STK33: variants seen among roughly 807,000 people sequenced by gnomAD.
STK33 encodes the protein serine/threonine-protein kinase 33.
STK33 carries 52 observed loss-of-function variants against 58.0 expected under a neutral mutation model. That is an observed-to-expected ratio of 0.90 (90% CI 0.72 to 1.13). The LOEUF (loss-of-function observed/expected upper bound fraction) is 1.13, where lower values mean the gene tolerates loss of function less well. STK33 is among the 50% of genes most tolerant of loss of function. The probability of loss-of-function intolerance (pLI) is 0.00; values close to 1 mark genes in which losing one functional copy is unlikely to be tolerated. For synonymous variants in STK33, 215 were observed against 200.1 expected, an observed-to-expected ratio of 1.07 and a Z score of -0.63; for missense variants, 630 against 604.2, an observed-to-expected ratio of 1.04 and a Z score of -0.45.
intron 1 of STK33, among the ~76,000 whole-genome samples, chr11:8,524,287 C>G (rs188124987): frequency 0.023 from 3,527 of 152,032 alleles, 143 homozygotes; most frequent in African/African-American, 0.079. Context: ...ATCCCCCTCT[C>G]CGAGAAACAC....
At chr11:8,378,214 G>T in the STK33 span, among the ~76,000 whole-genome samples, 2 of 152,238 alleles carry the variant, frequency 1.3e-5, no homozygotes, top group Non-Finnish European at 2.9e-5. Flanking sequence ...AGTTCAGAGC[G>T]AAGTGGGGGG....
chr11:8,401,294 G>A (rs1937887535), intron 15 of STK33, among the ~76,000 whole-genome samples: 1 of 152,110 alleles, frequency 6.6e-6, no homozygotes, highest in Non-Finnish European at 1.5e-5. Flanking sequence ...GAACAGAACA[G>A]AGCCCTCAGA....
intron 1 of STK33, among the ~76,000 whole-genome samples, chr11:8,590,356 A>G (rs1333512325): frequency 6.6e-6 from 1 of 152,222 alleles, no homozygotes; most frequent in Non-Finnish European, 1.5e-5. Context: ...GCATATGATC[A>G]GCACCCCATA....
intron 1 of STK33, among the ~76,000 whole-genome samples, chr11:8,494,290 C>A (rs1409300486): frequency 6.6e-6 from 1 of 152,164 alleles, no homozygotes; most frequent in Non-Finnish European, 1.5e-5. Flanking sequence ...CACAAACATT[C>A]CTATACACCA....
At chr11:8,407,494 C>T (rs1939451872) in intron 15 of STK33, among the ~76,000 whole-genome samples, 1 of 151,946 alleles carries the variant, frequency 6.6e-6, no homozygotes, top group African/African-American at 2.4e-5. Flanking sequence ...AAGTTCTTTA[C>T]TACAGACATG....
intron 12 of STK33, among the ~76,000 whole-genome samples, chr11:8,438,880 A>C (rs999110024): frequency 2.6e-5 from 4 of 152,228 alleles, no homozygotes; most frequent in Non-Finnish European, 5.9e-5. Context: ...AACGATGATC[A>C]AAAACTTTTT....
At chr11:8,530,928 T>C (rs560715342) in intron 1 of STK33, among the ~76,000 whole-genome samples, 1 of 131,042 alleles carries the variant, frequency 7.6e-6, no homozygotes, top group African/African-American at 2.7e-5. Flanking sequence ...TGACCTCAGA[T>C]GATCCGCCCA....
intron 1 of STK33, among the ~76,000 whole-genome samples, chr11:8,547,572 G>A (rs1956024302): frequency 6.6e-6 from 1 of 152,040 alleles, no homozygotes; most frequent in Non-Finnish European, 1.5e-5. Flanking sequence ...AAATCAGATT[G>A]TTCATTATTT....
At chr11:8,587,896 T>C (rs1440095630) in intron 1 of STK33, among the ~76,000 whole-genome samples, 1 of 152,232 alleles carries the variant, frequency 6.6e-6, no homozygotes, top group Non-Finnish European at 1.5e-5. Context: ...AGGCCAATTA[T>C]CTTAGTTCAG....
intron 1 of STK33, among the ~76,000 whole-genome samples, chr11:8,572,497 G>T (rs1170359568): frequency 6.6e-6 from 1 of 152,136 alleles, no homozygotes. Flanking sequence ...ACAACTAGCA[G>T]ACAAGAATCA....
chr11:8,468,171 T>C (rs1948407786), intron 6 of STK33, among the ~76,000 whole-genome samples: 1 of 152,162 alleles, frequency 6.6e-6, no homozygotes, highest in African/African-American at 2.4e-5. Flanking sequence ...CTTACGTGGA[T>C]GGAAGCAGGC....
At chr11:8,383,517 C>G in the STK33 span, among the ~76,000 whole-genome samples, 2 of 152,196 alleles carry the variant, frequency 1.3e-5, no homozygotes, top group Non-Finnish European at 2.9e-5. Context: ...AGGAACAGTT[C>G]AGACAGTCCA....
At chr11:8,537,022 C>A (rs1955084690) in intron 1 of STK33, among the ~76,000 whole-genome samples, 2 of 115,372 alleles carry the variant, frequency 1.7e-5, no homozygotes, top group African/African-American at 3.3e-5. Flanking sequence ...ACTCTGTCAC[C>A]CAGGCTGGAG....
downstream of STK33, among the ~76,000 whole-genome samples, chr11:8,391,480 C>T (rs1369113947): frequency 2.6e-5 from 4 of 152,302 alleles, no homozygotes; most frequent in South Asian, 8.3e-4. Flanking sequence ...TTTTAGTTAC[C>T]AAGTGGATTT....
At chr11:8,490,695 G>A (rs947520399) in intron 1 of STK33, among the ~76,000 whole-genome samples, 5 of 152,102 alleles carry the variant, frequency 3.3e-5, no homozygotes, top group Admixed American at 1.3e-4. Context: ...ATACAGGCAG[G>A]TGCCCCTCTG....
At chr11:8,590,415 A>G (rs2032408108) in intron 1 of STK33, among the ~76,000 whole-genome samples, 1 of 83,748 alleles carries the variant, frequency 1.2e-5, no homozygotes, top group Non-Finnish European at 2.7e-5. Flanking sequence ...TTTACTAAAT[A>G]ACTTTATCAA....
At chr11:8,557,286 G>GAGAGGA (rs150095375) in intron 1 of STK33, among the ~76,000 whole-genome samples, 1 of 34,286 alleles carries the variant, frequency 2.9e-5, no homozygotes, top group African/African-American at 1.3e-4. Context: ...GGAGGGGAGG[G>GAGAGGA]GAGGAGAGAA....
intron 15 of STK33, among the ~76,000 whole-genome samples, chr11:8,402,219 A>G (rs890555921): frequency 5.3e-5 from 8 of 152,240 alleles, no homozygotes; most frequent in African/African-American, 1.9e-4. Context: ...ACCAACCCAA[A>G]TGTCCAACAA....
chr11:8,515,876 G>C lies in STK33; in HGVS notation c.-465-35262C>G, dbSNP rs1017844528. Among the ~76,000 whole-genome samples the C allele has an allele frequency of 2.0e-5, 3 of 152,128 alleles. No homozygotes were observed. In the East Asian group the frequency reaches 5.8e-4, roughly 29 times the overall value. On this transcript the variant is annotated intron_variant, in intron 1 of 15. Coordinates refer to ENST00000687296, the MANE Select transcript of STK33 (RefSeq NM_001352389.2). Reference sequence around the variant, plus strand: ...AAAGACCATATATGAAAAGCCCATAGTTAACATCACACTCAAAGGCGTAAA... The same window carrying C: ...AAAGACCATATATGAAAAGCCCATACTTAACATCACACTCAAAGGCGTAAA...
Sources: gnomAD v4.1 joint callset for allele counts (sites outside exome capture counted in the v4.1 genomes callset) on GRCh38, gnomAD v4.1.1 for gene constraint, MANE v1.5 for transcripts, NCBI Gene and HGNC (gene_info 2026-07-23, HGNC 2026-07-21) for gene names.